Variants in CAP2 observed in about 807,000 individuals in gnomAD.
The protein encoded by CAP2 is adenylyl cyclase-associated protein 2.
Under a neutral mutation model 57.7 loss-of-function variants are expected in CAP2, and 24 were observed. The ratio of observed to expected loss-of-function variants is 0.42; its 90% CI spans 0.30 to 0.58. The LOEUF is 0.58. CAP2 is among the 20% of genes least tolerant of loss of function. The pLI is 0.22. For missense variants in CAP2, 501 were observed against 590.3 expected (o/e 0.85, Z 1.57); for synonymous variants, 194 against 207.2 (o/e 0.94, Z 0.55).
chr6:17,488,969 T>G (rs2077483485), intron 4 of CAP2, among the ~76,000 whole-genome samples: 1 of 152,154 alleles, frequency 6.6e-6, no homozygotes, highest in Admixed American at 6.5e-5. Context: ...GTGTGGAAAC[T>G]CCACTGTGCT....
At chr6:17,469,722 C>T (rs183303844) in intron 4 of CAP2, among the ~76,000 whole-genome samples, 16 of 152,278 alleles carry the variant, frequency 1.1e-4, no homozygotes, top group Admixed American at 7.2e-4. Context: ...AACTGATTCT[C>T]TTTCCTTTCA....
At chr6:17,546,430 G>C (rs1763048846) in intron 11 of CAP2, among the ~76,000 whole-genome samples, 1 of 152,102 alleles carries the variant, frequency 6.6e-6, no homozygotes, top group South Asian at 2.1e-4. Context: ...GTTCTTTGTA[G>C]ATTCTGGATA....
At chr6:17,454,965 G>T (rs1251837702) in intron 3 of CAP2, among the ~76,000 whole-genome samples, 1 of 152,086 alleles carries the variant, frequency 6.6e-6, no homozygotes, top group African/African-American at 2.4e-5. Context: ...GAGCCCCTTC[G>T]GATGGTATGA....
intron 3 of CAP2, among the ~76,000 whole-genome samples, chr6:17,433,958 G>T (rs1015954121): frequency 6.6e-6 from 1 of 152,084 alleles, no homozygotes; most frequent in Non-Finnish European, 1.5e-5. Context: ...TAAGAAACTG[G>T]ACTTGGAATC....
At chr6:17,505,438 T>G (rs1761954559) in intron 4 of CAP2, among the ~76,000 whole-genome samples, 1 of 152,142 alleles carries the variant, frequency 6.6e-6, no homozygotes, top group African/African-American at 2.4e-5. Context: ...CTGGGAAGCT[T>G]AAACAATCGC....
chr6:17,545,590 C>T (rs1763023305), intron 11 of CAP2, among the ~76,000 whole-genome samples: 1 of 152,110 alleles, frequency 6.6e-6, no homozygotes, highest in South Asian at 2.1e-4. Flanking sequence ...GGTACATGTG[C>T]ACAATGTGCA....
In CAP2 at chr6:17,513,945, G is replaced by T; in HGVS notation, c.627G>T (p.Trp209Cys). The change falls in exon 7 of 13, where the codon TGG becomes TGT. Residue 209 changes from tryptophan (W) to cysteine (C), a missense_variant. By Grantham distance (215) the Trp-to-Cys change is radical (BLOSUM62 -2). Transcript: ENST00000229922. This position sits in a 1 kb window ranked among gnomAD's most constrained non-coding sequence, Gnocchi z 4.3. ...IKEHHTTGLTWSKTGPVASTV... is the reference protein window; with the variant it reads ...IKEHHTTGLTCSKTGPVASTV... The stretch of plus-strand genomic sequence containing the variant: ...AACACCACACCACGGGCCTCACATG[G>T]AGCAAAACAGTGAGTACGAGGCCTT... The T allele has an allele frequency of 6.2e-7, 1 of 1,603,798 alleles. No homozygotes were observed. Among genetic ancestry groups the T allele is most frequent in the Non-Finnish European group, 8.5e-7 (1 of 1,170,654 alleles).
chr6:17,401,977 C>T (rs1334967533), intron 1 of CAP2, among the ~76,000 whole-genome samples: 1 of 152,114 alleles, frequency 6.6e-6, no homozygotes, highest in Non-Finnish European at 1.5e-5. Flanking sequence ...GTGTGAGTCT[C>T]TATATAATAT....
chr6:17,471,143 A>G (rs1441587969), intron 4 of CAP2, among the ~76,000 whole-genome samples: 4 of 152,196 alleles, frequency 2.6e-5, no homozygotes, highest in Non-Finnish European at 5.9e-5. Context: ...TGGCAGGTCT[A>G]GAAATTGCAA....
chr6:17,556,403 A>C lies in CAP2; in HGVS notation c.1395A>C (p.Gly465=), dbSNP rs1036755259. Residue 465 remains glycine (G), a synonymous_variant, in exon 13 of 13, where the codon GGA becomes GGC. Coordinates refer to ENST00000229922, the MANE Select transcript of CAP2 (RefSeq NM_006366.3). ...IPEQFKTAWD[G]SKLITEPAEI... Reference sequence around the variant, plus strand: ...AACAGTTCAAGACAGCATGGGATGGATCCAAGTTAATCACTGAACCTGCAG... The same window carrying C: ...AACAGTTCAAGACAGCATGGGATGGCTCCAAGTTAATCACTGAACCTGCAG... 1 of 1,613,982 alleles carries C rather than the reference A, an allele frequency of 6.2e-7. No individual in the cohort carries two copies. The highest frequency in any genetic ancestry group is 8.5e-7 in the Non-Finnish European group (1 of 1,179,824).
intron 3 of CAP2, among the ~76,000 whole-genome samples, chr6:17,443,439 C>T (rs947085619): frequency 3.3e-5 from 5 of 152,070 alleles, no homozygotes; most frequent in African/African-American, 7.2e-5. Context: ...ATCTAGACTT[C>T]GAGATAACTC....
intron 4 of CAP2, among the ~76,000 whole-genome samples, chr6:17,473,800 A>T (rs1348173106): frequency 2.0e-5 from 3 of 152,182 alleles, no homozygotes; most frequent in Non-Finnish European, 2.9e-5. Flanking sequence ...TGACAAAACC[A>T]TCATTTGATA....
chr6:17,460,135 TC>T (rs1370425809), intron 3 of CAP2, among the ~76,000 whole-genome samples: 3 of 152,262 alleles, frequency 2.0e-5, no homozygotes, highest in Non-Finnish European at 4.4e-5. Flanking sequence ...ATCAAGCTAG[TC>T]TCAGATGTCA....
chr6:17,455,231 G>A (rs1212344644), intron 3 of CAP2, among the ~76,000 whole-genome samples: 2 of 151,946 alleles, frequency 1.3e-5, no homozygotes, highest in Non-Finnish European at 2.9e-5. Context: ...GAGGCAAAAT[G>A]GTGGAGTTTA....
chr6:17,402,364 AG>A (rs2113502492), intron 1 of CAP2, among the ~76,000 whole-genome samples: 1 of 152,240 alleles, frequency 6.6e-6, no homozygotes, highest in African/African-American at 2.4e-5. Context: ...AGGACAAAAA[AG>A]GGGGAAATTT....
At chr6:17,481,098 G>A (rs1761278755) in intron 4 of CAP2, among the ~76,000 whole-genome samples, 1 of 151,074 alleles carries the variant, frequency 6.6e-6, no homozygotes, top group African/African-American at 2.4e-5. Context: ...GCATAAATAT[G>A]TATGTTTTTT....
At chr6:17,455,782 T>A (rs887650361) in intron 3 of CAP2, among the ~76,000 whole-genome samples, 2 of 152,062 alleles carry the variant, frequency 1.3e-5, no homozygotes, top group Non-Finnish European at 2.9e-5. Flanking sequence ...TGATCTGCCC[T>A]CCTCGGCCTC....
At chr6:17,456,193 C>T (rs760195026) in intron 3 of CAP2, among the ~76,000 whole-genome samples, 4 of 152,158 alleles carry the variant, frequency 2.6e-5, no homozygotes, top group African/African-American at 7.2e-5. Context: ...TCCGGAGATG[C>T]GACTCAACAA....
intron 3 of CAP2, among the ~76,000 whole-genome samples, chr6:17,443,798 T>C (rs1760163889): frequency 6.6e-6 from 1 of 152,214 alleles, no homozygotes; most frequent in Admixed American, 6.5e-5. Context: ...AGTATTTTTT[T>C]CCTTTTCTGG....
Sources: gnomAD v4.1 joint callset for allele counts (sites outside exome capture counted in the v4.1 genomes callset) on GRCh38, gnomAD v4.1.1 for gene constraint, Gnocchi (gnomAD v3.1) non-coding constraint, MANE v1.5 for transcripts, NCBI Gene and HGNC (gene_info 2026-07-23, HGNC 2026-07-21) for gene names.